ADGRL3: variants seen among roughly 807,000 people sequenced by gnomAD.
The protein encoded by ADGRL3 is adhesion G protein-coupled receptor L3, also known as calcium-independent alpha-latrotoxin receptor 3.
ADGRL3 carries 62 observed loss-of-function variants against 153.5 expected under a neutral mutation model. The ratio of observed to expected loss-of-function variants is 0.40; its 90% confidence interval spans 0.33 to 0.50. The LOEUF (loss-of-function observed/expected upper bound fraction) is 0.50, where lower values mean the gene tolerates loss of function less well. Among genes scored for constraint, ADGRL3 ranks in the 20% least tolerant of loss-of-function variants. The pLI is 0.47. For missense variants in ADGRL3, 1,641 were observed against 1,859.4 expected, an observed-to-expected ratio of 0.88 and a Z score of 2.16; for synonymous variants, 710 against 672.5, an observed-to-expected ratio of 1.06 and a Z score of -0.86.
At chr4:61,778,979 A>C (rs575024146) in intron 8 of ADGRL3, among the ~76,000 whole-genome samples, 6 of 152,024 alleles carry the variant, frequency 3.9e-5, no homozygotes, top group Non-Finnish European at 8.8e-5. Context: ...AACCGCTTGA[A>C]CACAGGAAGC....
intron 5 of ADGRL3, among the ~76,000 whole-genome samples, chr4:61,624,579 T>C (rs2092720823): frequency 6.6e-6 from 1 of 152,092 alleles, no homozygotes; most frequent in African/African-American, 2.4e-5. Context: ...TTATTATATG[T>C]AACAAATTAC....
At chr4:61,531,117 A>G (rs1579365488) in intron 4 of ADGRL3, among the ~76,000 whole-genome samples, 1 of 152,188 alleles carries the variant, frequency 6.6e-6, no homozygotes, top group South Asian at 2.1e-4. Flanking sequence ...TTGCTGCAAA[A>G]ATATTGTGAT....
At chr4:61,759,593 T>A (rs576857578) in intron 8 of ADGRL3, among the ~76,000 whole-genome samples, 43 of 152,190 alleles carry the variant, frequency 2.8e-4, no homozygotes, top group African/African-American at 1.0e-3. Flanking sequence ...TCAAGGTTTT[T>A]AATTTCTTTG....
chr4:61,376,731 A>G (rs949373721), intron 1 of ADGRL3, among the ~76,000 whole-genome samples: 2 of 152,190 alleles, frequency 1.3e-5, no homozygotes, highest in African/African-American at 2.4e-5. Context: ...GCAGAATGCT[A>G]GAACTCTTCC....
rs374409451 is a variant in ADGRL3 at position 61,451,086 on chromosome 4, A to G, written c.-173-46035A>G. On this transcript the variant is annotated intron_variant, in intron 2 of 26. Coordinates refer to ENST00000683033, the MANE Select transcript of ADGRL3 (RefSeq NM_001387552.1). ...TTCGTTATCTAATTGTATTTTTAAA[A>G]TAGAAAGCTTGGTACAAGAATAGTT... Among the ~76,000 whole-genome samples the G allele has an allele frequency of 1.7e-4, 26 of 152,268 alleles. 1 individual carries two copies. The East Asian group carries it at 5.0e-3, about 29-fold the overall frequency.
At chr4:61,516,215 A>G (rs1579287617) in intron 3 of ADGRL3, among the ~76,000 whole-genome samples, 1 of 152,260 alleles carries the variant, frequency 6.6e-6, no homozygotes. Context: ...TTATATAGCA[A>G]GAAATTATGG....
Position 61,822,989 on chromosome 4 carries a change from GATCACTGTTCCAGAGAAGAGAA to G in ADGRL3, c.1480+9118_1480+9139del, listed in dbSNP as rs1296728945. ...GCTCCCCGATGTTGATTCTCCCCTT[GATCACTGTTCCAGAGAAGAGAA>G]ATCACTGTTCCAGAGAAAAGAAAGT... On this transcript the variant is annotated intron_variant, in intron 9 of 26. Coordinates refer to ENST00000683033, the MANE Select transcript of ADGRL3 (RefSeq NM_001387552.1). Among the ~76,000 whole-genome samples the G allele has an allele frequency of 2.0e-5, 3 of 152,104 alleles. No homozygotes were observed. The East Asian group carries it at 5.8e-4, about 29-fold the overall frequency.
chr4:61,964,640 AGTTTT>A (rs1305558454), intron 17 of ADGRL3, among the ~76,000 whole-genome samples: 1 of 152,184 alleles, frequency 6.6e-6, no homozygotes, highest in Non-Finnish European at 1.5e-5. Context: ...CACTAAATTT[AGTTTT>A]AAGTACAATC....
chr4:61,242,860 TATTA>T (rs1311516209), intron 1 of ADGRL3, among the ~76,000 whole-genome samples: 3 of 152,108 alleles, frequency 2.0e-5, no homozygotes, highest in Non-Finnish European at 2.9e-5. Context: ...TTAAGGAATA[TATTA>T]ATTCTATAGT....
intron 21 of ADGRL3, among the ~76,000 whole-genome samples, chr4:62,027,816 A>G (rs1719636683): frequency 6.6e-6 from 1 of 152,010 alleles, no homozygotes; most frequent in African/African-American, 2.4e-5. Flanking sequence ...CATTATAATT[A>G]TCACCATCTT....
At chr4:61,893,079 T>TTCTC in intron 10 of ADGRL3, 121 bp downstream of exon 10, 1 of 397,368 alleles carries the variant, frequency 2.5e-6, no homozygotes, top group Non-Finnish European at 4.1e-6. Context: ...CCCTCCCTCC[T>TTCTC]TGTCTCTTTC....
At chr4:61,350,064 A>G (rs1316406574) in intron 1 of ADGRL3, among the ~76,000 whole-genome samples, 1 of 152,144 alleles carries the variant, frequency 6.6e-6, no homozygotes, top group Non-Finnish European at 1.5e-5. Context: ...TAATTTCCCA[A>G]ATATATATTG....
chr4:61,849,682 T>C (rs1380885492), intron 9 of ADGRL3, among the ~76,000 whole-genome samples: 3 of 152,140 alleles, frequency 2.0e-5, no homozygotes, highest in Non-Finnish European at 4.4e-5. Flanking sequence ...TAGTGTCTGA[T>C]TTTAATTATC....
intron 1 of ADGRL3, among the ~76,000 whole-genome samples, chr4:61,338,427 G>C (rs1183107476): frequency 6.6e-6 from 1 of 151,932 alleles, no homozygotes; most frequent in African/African-American, 2.4e-5. Context: ...GAAAGAGAGA[G>C]AGAGAAGAGA....
intron 8 of ADGRL3, among the ~76,000 whole-genome samples, chr4:61,788,742 T>G (rs1275800383): frequency 6.6e-6 from 1 of 152,180 alleles, no homozygotes; most frequent in Non-Finnish European, 1.5e-5. Context: ...CTACTCAAAA[T>G]ACAAGACCAT....
intron 9 of ADGRL3, among the ~76,000 whole-genome samples, chr4:61,858,225 C>T (rs991475923): frequency 2.0e-5 from 3 of 152,168 alleles, no homozygotes; most frequent in African/African-American, 4.8e-5. Context: ...TCAGTCTTTG[C>T]AGGCTATGTA....
chr4:61,848,465 T>G (rs2098163646), intron 9 of ADGRL3, among the ~76,000 whole-genome samples: 1 of 151,970 alleles, frequency 6.6e-6, no homozygotes, highest in Non-Finnish European at 1.5e-5. Context: ...TCTGTGTCCT[T>G]TCTTTTCTTA....
chr4:61,242,791 G>T (rs150269912), intron 1 of ADGRL3, among the ~76,000 whole-genome samples: 1 of 152,080 alleles, frequency 6.6e-6, no homozygotes, highest in East Asian at 1.9e-4. Flanking sequence ...TGATGATTTC[G>T]TTTTTACAGA....
intron 1 of ADGRL3, among the ~76,000 whole-genome samples, chr4:61,289,762 G>A (rs999849097): frequency 1.1e-4 from 17 of 151,990 alleles, no homozygotes; most frequent in Admixed American, 6.6e-5. Context: ...GGATTCTGGC[G>A]TAATATAAGG....
Sources: allele counts gnomAD v4.1 joint callset (sites outside exome capture counted in the v4.1 genomes callset), GRCh38; gene constraint gnomAD v4.1.1; transcripts MANE v1.5; gene names NCBI Gene and HGNC (gene_info 2026-07-23, HGNC 2026-07-21).